The following SKAP2 variants were observed in gnomAD, a reference collection of about 807,000 sequenced individuals.
SKAP2 encodes the protein src kinase associated phosphoprotein 2.
SKAP2 carries 28 observed loss-of-function variants against 54.9 expected under a neutral mutation model. The ratio of observed to expected loss-of-function variants is 0.51; its 90% confidence interval spans 0.38 to 0.70. The LOEUF is 0.70. SKAP2 is among the 30% of genes least tolerant of loss of function. The pLI is 0.00. For synonymous variants in SKAP2, 137 were observed against 134.3 expected (o/e 1.02, Z -0.14); for missense variants, 356 against 424.1 (o/e 0.84, Z 1.41).
intron 4 of SKAP2, among the ~76,000 whole-genome samples, chr7:26,839,359 T>C (rs1322642333): frequency 6.6e-6 from 1 of 152,090 alleles, no homozygotes; most frequent in Non-Finnish European, 1.5e-5. Flanking sequence ...CATAGCACAA[T>C]GACTAAAATA....
intron 11 of SKAP2, among the ~76,000 whole-genome samples, chr7:26,681,966 T>G (rs1038672185): frequency 6.6e-6 from 1 of 152,092 alleles, no homozygotes; most frequent in Non-Finnish European, 1.5e-5. Flanking sequence ...GTACAACAGC[T>G]GCAATTACCT....
chr7:26,700,349 T>C (rs1786994763), intron 9 of SKAP2, among the ~76,000 whole-genome samples: 1 of 152,196 alleles, frequency 6.6e-6, no homozygotes, highest in Admixed American at 6.5e-5. Flanking sequence ...AAGACTCTCT[T>C]TGATACTCTA....
intron 4 of SKAP2, among the ~76,000 whole-genome samples, chr7:26,788,589 C>T (rs1232398026): frequency 6.6e-6 from 1 of 152,034 alleles, no homozygotes; most frequent in Non-Finnish European, 1.5e-5. Flanking sequence ...AAACACCAAA[C>T]AATGTATTAA....
At chr7:26,751,265 T>C (rs985116605) in intron 4 of SKAP2, among the ~76,000 whole-genome samples, 20 of 152,140 alleles carry the variant, frequency 1.3e-4, no homozygotes, top group Non-Finnish European at 4.4e-5. Context: ...GTGGTTAATA[T>C]GAATAAATAA....
chr7:26,818,144 A>C (rs1164333782), intron 4 of SKAP2, among the ~76,000 whole-genome samples: 1 of 152,190 alleles, frequency 6.6e-6, no homozygotes, highest in Non-Finnish European at 1.5e-5. Flanking sequence ...ACCCTAAGCA[A>C]AAAGAACAAA....
At chr7:26,756,209 G>A (rs1253248798) in intron 4 of SKAP2, among the ~76,000 whole-genome samples, 8 of 151,784 alleles carry the variant, frequency 5.3e-5, no homozygotes, top group Admixed American at 3.3e-4. Context: ...CTTTAAGTTC[G>A]GGTACAGGTG....
intron 4 of SKAP2, among the ~76,000 whole-genome samples, chr7:26,772,858 T>G (rs547172680): frequency 5.3e-5 from 8 of 152,250 alleles, no homozygotes; most frequent in Non-Finnish European, 7.3e-5. Flanking sequence ...CTGCTGTTCA[T>G]AGAATCTGGA....
rs528077099 is a variant in SKAP2, at chr7:26,749,486, C to T, written c.308-9522G>A. ...GTCCTCGGCTGGGGGTAGTGATTCA[C>T]ACCTGTAATTCTAGCACTTTGGGAG... On this transcript the variant is annotated intron_variant, in intron 4 of 12. Coordinates refer to ENST00000345317, the MANE Select transcript of SKAP2 (RefSeq NM_003930.5). Among the ~76,000 whole-genome samples, 4 of 152,110 alleles carry T rather than the reference C, an allele frequency of 2.6e-5. No individual in the cohort carries two copies. The South Asian group carries it at 8.3e-4, about 32-fold the overall frequency.
chr7:26,824,288 G>A (rs1784444660), intron 4 of SKAP2, among the ~76,000 whole-genome samples: 2 of 152,120 alleles, frequency 1.3e-5, no homozygotes, highest in Admixed American at 1.3e-4. Context: ...GTATGTGTGG[G>A]GTTTTGTAGA....
downstream of SKAP2, among the ~76,000 whole-genome samples, chr7:26,666,449 T>C (rs1407705351): frequency 6.6e-6 from 1 of 152,092 alleles, no homozygotes; most frequent in South Asian, 2.1e-4. Context: ...ATATAAAAAG[T>C]AGAAATCATA....
chr7:26,813,933 A>T (rs1431284794), intron 4 of SKAP2, among the ~76,000 whole-genome samples: 2 of 152,188 alleles, frequency 1.3e-5, no homozygotes, highest in African/African-American at 4.8e-5. Flanking sequence ...TATTTGAGTT[A>T]AGATAAAGCC....
chr7:26,848,510 TC>T (rs66552416), intron 3 of SKAP2, among the ~76,000 whole-genome samples: 32,130 of 151,754 alleles, frequency 0.21, 3,474 homozygotes, highest in Non-Finnish European at 0.24. Context: ...TTAGGTTCCG[TC>T]CCCCAAGATA....
chr7:26,801,226 C>T (rs970446092), intron 4 of SKAP2, among the ~76,000 whole-genome samples: 1 of 152,082 alleles, frequency 6.6e-6, no homozygotes, highest in Non-Finnish European at 1.5e-5. Flanking sequence ...CAACATGATA[C>T]ATCATATCAA....
rs147793418 is a variant in SKAP2, at chr7:26,719,283, C to A, written c.796+6145G>T. Among the ~76,000 whole-genome samples the A allele has an allele frequency of 3.3e-5, 5 of 152,228 alleles. No homozygotes were observed. The East Asian group carries it at 9.7e-4, about 29-fold the overall frequency. ...TTGTTGTGAAGTACATTAAAGTGAG[C>A]TCCTCTTCACGGATCCCCTTGGAGG... On this transcript the variant is annotated intron_variant, in intron 9 of 12. Transcript: ENST00000345317.
chr7:26,692,138 A>G (rs568694304), intron 9 of SKAP2, among the ~76,000 whole-genome samples: 3 of 152,202 alleles, frequency 2.0e-5, no homozygotes, highest in Non-Finnish European at 2.9e-5. Context: ...GGAGATGGTT[A>G]TAAGAGGTAA....
At chr7:26,701,856 A>C (rs1787034657) in intron 9 of SKAP2, among the ~76,000 whole-genome samples, 1 of 152,194 alleles carries the variant, frequency 6.6e-6, no homozygotes, top group African/African-American at 2.4e-5. Context: ...TTTACAATTA[A>C]AATTCAAATG....
At chr7:26,796,012 T>C (rs934239455) in intron 4 of SKAP2, among the ~76,000 whole-genome samples, 1 of 152,164 alleles carries the variant, frequency 6.6e-6, no homozygotes, top group African/African-American at 2.4e-5. Context: ...CTGCATGGCC[T>C]AGAAATATGG....
chr7:26,688,162 T>C (rs1274786633), intron 10 of SKAP2, among the ~76,000 whole-genome samples: 30 of 152,084 alleles, frequency 2.0e-4, no homozygotes, highest in Admixed American at 1.8e-3. Flanking sequence ...TGACCACGGG[T>C]GAAACATATG....
chr7:26,843,362 T>C (rs942970218), intron 4 of SKAP2, among the ~76,000 whole-genome samples: 1 of 152,064 alleles, frequency 6.6e-6, no homozygotes, highest in Admixed American at 6.6e-5. Context: ...ATAATGCAGA[T>C]GTACTCAATG....
Sources: gnomAD v4.1 joint callset for allele counts (sites outside exome capture counted in the v4.1 genomes callset) on GRCh38, gnomAD v4.1.1 for gene constraint, MANE v1.5 for transcripts, NCBI Gene and HGNC (gene_info 2026-07-23, HGNC 2026-07-21) for gene names.